SLC35C1: variants seen among roughly 807,000 people sequenced by gnomAD.
The protein encoded by SLC35C1 is GDP-fucose transporter 1.
SLC35C1 carries 8 observed loss-of-function variants against 23.2 expected under a neutral mutation model. That is an observed-to-expected ratio of 0.35 (90% CI 0.20 to 0.62). The LOEUF is 0.62. Among genes scored for constraint, SLC35C1 ranks in the 20% least tolerant of loss-of-function variants. The pLI is 0.75. For synonymous variants in SLC35C1, 226 were observed against 225.1 expected (o/e 1.00, Z -0.04); for missense variants, 422 against 478.6 (o/e 0.88, Z 1.10).
chr11:45,806,953 C>A, intron 1 of SLC35C1: 1 of 963,498 alleles, frequency 1.0e-6, no homozygotes. Flanking sequence ...CTTTGAGAGG[C>A]CTCAGCTGTC....
chr11:45,806,077 C>T lies in SLC35C1; in HGVS notation c.276C>T (p.Ser92=), dbSNP rs772846551. 3 of 1,612,106 alleles carry T rather than the reference C, an allele frequency of 1.9e-6. No homozygotes were observed. The highest frequency in any genetic ancestry group is 2.5e-6 in the Non-Finnish European group (3 of 1,179,934). Residue 92 remains serine, a synonymous_variant, in exon 1 of 2, where the codon AGC becomes AGT. Coordinates refer to ENST00000314134, the MANE Select transcript of SLC35C1 (RefSeq NM_018389.5). ...CCACGCTGCTGTGCAAAGGCCTCAGCGCTCTGGCCGCCTGCTGCCCTGGTG... is the reference window on the plus strand; with the variant it reads ...CCACGCTGCTGTGCAAAGGCCTCAGTGCTCTGGCCGCCTGCTGCCCTGGTG... ...LVTTLLCKGL[S]ALAACCPGAV...
In SLC35C1 at chr11:45,812,639, C is replaced by A. The variant is rs762050590; in HGVS notation, c.*1304C>A. 7 of 455,926 alleles carry A rather than the reference C, an allele frequency of 1.5e-5. No homozygotes were observed. The highest frequency in any genetic ancestry group is 3.1e-5 in the Non-Finnish European group (7 of 226,788). 28.2% of individuals were successfully genotyped at this position (455,926 alleles called of 1,614,324 possible). A position where few individuals can be genotyped will look rare whatever the true frequency, so the allele number is the denominator to read the frequency against. On this transcript the variant is annotated 3_prime_UTR_variant, in exon 2 of 2. Transcript: ENST00000314134. ...CTTTTATAAGGACTCCAACCCTGTTCATGAGGGTTCCGCCCCCATGACCCA... is the reference window on the plus strand; with the variant it reads ...CTTTTATAAGGACTCCAACCCTGTTAATGAGGGTTCCGCCCCCATGACCCA...
intron 1 of SLC35C1, chr11:45,806,856 T>A: frequency 1.0e-6 from 1 of 982,532 alleles, no homozygotes. Context: ...GCCAGTGCTC[T>A]TAGTAGAGGA....
Position 45,812,552 on chromosome 11 carries a change from A to G in SLC35C1, c.*1217A>G, listed in dbSNP as rs1238583546. On this transcript the variant is annotated 3_prime_UTR_variant, in exon 2 of 2. Coordinates refer to ENST00000314134, the MANE Select transcript of SLC35C1 (RefSeq NM_018389.5). ...CTGAGGGCTGTTTCCCGATCCATAG[A>G]TGGTGCCTTCTCGCTGTATCCTCAA... 2 of 455,908 alleles carry G rather than the reference A, an allele frequency of 4.4e-6. No homozygotes were observed. The highest frequency in any genetic ancestry group is 8.8e-6 in the Non-Finnish European group (2 of 226,782). The allele number at this position is 455,908 out of a possible 1,614,324, so 28.2% of individuals were successfully genotyped here.
At chr11:45,805,093 G>A (rs2085853075), upstream of SLC35C1, 2 of 985,750 alleles carry the variant, frequency 2.0e-6, no homozygotes, top group Admixed American at 6.1e-5. Flanking sequence ...GCCCTTTAAG[G>A]CCACGTGGGG....
chr11:45,805,335 G>GGGCCCCCCCCC lies in SLC35C1; in HGVS notation c.-467_-466insGGCCCCCCCCC. 87 of 566,112 alleles carry GGGCCCCCCCCC rather than the reference G, an allele frequency of 1.5e-4. No homozygotes were observed. Among genetic ancestry groups the GGGCCCCCCCCC allele is most frequent in the South Asian group, 2.4e-4 (3 of 12,562 alleles). 35.1% of individuals were successfully genotyped at this position (566,112 alleles called of 1,614,324 possible). A position where few individuals can be genotyped will look rare whatever the true frequency, so the allele number is the denominator to read the frequency against. On this transcript the variant is annotated 5_prime_UTR_variant, in exon 1 of 2. Transcript: ENST00000314134. ...GCTCCCTGTACGCCTCCCTCCCCCT[G>GGGCCCCCCCCC]CCCGCCCCTCCCTCCCACAGCCGCC...
At chr11:45,810,115 C>T (rs1307931515) in intron 1 of SLC35C1, 1 of 985,282 alleles carries the variant, frequency 1.0e-6, no homozygotes, top group Non-Finnish European at 1.2e-6. Flanking sequence ...GAAGGGCCTG[C>T]ACCCCCGCCT....
Position 45,812,655 on chromosome 11 carries a change from C to T in SLC35C1, c.*1320C>T, listed in dbSNP as rs1264673009. On this transcript the variant is annotated 3_prime_UTR_variant, in exon 2 of 2. Coordinates refer to ENST00000314134, the MANE Select transcript of SLC35C1 (RefSeq NM_018389.5). ...AACCCTGTTCATGAGGGTTCCGCCC[C>T]CATGACCCAATCAGCTCCAAAGGCC... 2 of 455,860 alleles carry T rather than the reference C, an allele frequency of 4.4e-6. No homozygotes were observed. The highest frequency in any genetic ancestry group is 3.2e-4 in the Middle Eastern group (1 of 3,090). The allele number at this position is 455,860 out of a possible 1,614,324, so 28.2% of individuals were successfully genotyped here. A position where few individuals can be genotyped will look rare whatever the true frequency, so the allele number is the denominator to read the frequency against.
chr11:45,810,725 G>C, intron 1 of SLC35C1, 51 bp from the exon 2 acceptor site: 3 of 1,586,274 alleles, frequency 1.9e-6, no homozygotes, highest in African/African-American at 1.3e-5. Context: ...CTTCCTCCTC[G>C]TCCTCATCCC....
At chr11:45,809,520 C>T (rs1458608471) in intron 1 of SLC35C1, among the ~76,000 whole-genome samples, 1 of 152,180 alleles carries the variant, frequency 6.6e-6, no homozygotes, top group African/African-American at 2.4e-5. Context: ...TGGAATTTCT[C>T]CTGAAGGCAG....
chr11:45,804,542 T>C, upstream of SLC35C1: 1 of 985,446 alleles, frequency 1.0e-6, no homozygotes, highest in Non-Finnish European at 1.2e-6. Context: ...CTTGAGCCTT[T>C]GGAATCTCGG....
intron 1 of SLC35C1, among the ~76,000 whole-genome samples, chr11:45,808,405 G>A (rs763097508): frequency 5.9e-5 from 9 of 152,218 alleles, no homozygotes; most frequent in Non-Finnish European, 1.0e-4. Context: ...GGAGGCTGAG[G>A]CAGGATAATT....
Position 45,812,383 on chromosome 11 carries a change from C to G in SLC35C1, c.*1048C>G, listed in dbSNP as rs2085957872. On this transcript the variant is annotated 3_prime_UTR_variant, in exon 2 of 2. Coordinates refer to ENST00000314134, the MANE Select transcript of SLC35C1 (RefSeq NM_018389.5). ...TTCCCTGAGGTTGTGGCTGACAGAG[C>G]CTGCTTGGCCCCACTGTTAGTCCAG... 5.5e-6 allele frequency: 2 copies of G among 365,150 alleles called. No homozygotes were observed. Among genetic ancestry groups the G allele is most frequent in the South Asian group, 4.0e-5 (2 of 49,554 alleles). 22.6% of individuals were successfully genotyped at this position (365,150 alleles called of 1,614,324 possible). A position where few individuals can be genotyped will look rare whatever the true frequency, so the allele number is the denominator to read the frequency against.
rs376834333 is a variant in SLC35C1 at position 45,805,823 on chromosome 11, C to T, written c.22C>T (p.Arg8Trp). 6.2e-6 allele frequency: 10 copies of T among 1,613,846 alleles called. No homozygotes were observed. Among genetic ancestry groups the T allele is most frequent in the Non-Finnish European group, 8.5e-6 (10 of 1,180,020 alleles). MNRAPLK[R>W]SRILHMALTG... ...TACCATGAATAGGGCCCCTCTGAAG[C>T]GGTCCAGGATCCTGCACATGGCGCT... The change falls in exon 1 of 2, where the codon CGG becomes TGG. Residue 8 changes from arginine (R) to tryptophan (W), a missense_variant. Transcript: ENST00000314134.
In SLC35C1 at chr11:45,806,056, G is replaced by A. The variant is rs374975158; in HGVS notation, c.255G>A (p.Thr85=). The change falls in exon 1 of 2, where the codon ACG becomes ACA. Residue 85 remains threonine, a synonymous_variant. Transcript: ENST00000314134. ...FVTFYQCLVT[T]LLCKGLSALA... ...CCTTCTACCAGTGCCTGGTGACCAC[G>A]CTGCTGTGCAAAGGCCTCAGCGCTC... 31 of 1,613,046 alleles carry A rather than the reference G, an allele frequency of 1.9e-5. No homozygotes were observed. In the East Asian group the frequency reaches 6.2e-4, roughly 32 times the overall value.
At chr11:45,810,188 G>C (rs1390302817) in intron 1 of SLC35C1, 1 of 985,314 alleles carries the variant, frequency 1.0e-6, no homozygotes, top group Non-Finnish European at 1.2e-6. Flanking sequence ...CTTTGAGCAG[G>C]AAGTGACACA....
At chr11:45,806,408 G>T in intron 1 of SLC35C1, 72 bp downstream of exon 1, 1 of 1,550,466 alleles carries the variant, frequency 6.4e-7, no homozygotes. Context: ...AACTCTTCTA[G>T]GCATCCTAGG....
intron 1 of SLC35C1, among the ~76,000 whole-genome samples, chr11:45,808,144 G>A (rs747388047): frequency 1.1e-4 from 17 of 152,006 alleles, no homozygotes; most frequent in Non-Finnish European, 2.1e-4. Context: ...AGGGGAAGAC[G>A]AGTCTCAGGC....
chr11:45,805,686 C>A lies in SLC35C1; in HGVS notation c.-116C>A. 6.3e-7 allele frequency: 1 copy of A among 1,582,178 alleles called. No homozygotes were observed. The highest frequency in any genetic ancestry group is 1.1e-5 in the South Asian group (1 of 88,866). ...ACAATGGGGAGGCCTTTAGGCCAGCCCACATGTGACAATGGAGGGCTGCGG... is the reference window on the plus strand; with the variant it reads ...ACAATGGGGAGGCCTTTAGGCCAGCACACATGTGACAATGGAGGGCTGCGG... On this transcript the variant is annotated 5_prime_UTR_variant, in exon 1 of 2. Transcript: ENST00000314134.
Sources: allele counts gnomAD v4.1 joint callset (sites outside exome capture counted in the v4.1 genomes callset), GRCh38; gene constraint gnomAD v4.1.1; transcripts MANE v1.5; gene names NCBI Gene and HGNC (gene_info 2026-07-23, HGNC 2026-07-21).